TMEM38A: variants seen among roughly 807,000 people sequenced by gnomAD.
TMEM38A encodes the protein transmembrane protein 38A.
In TMEM38A, 17 loss-of-function variants were observed where a neutral mutation model predicts 28.6. That is an observed-to-expected ratio of 0.60 (90% CI 0.41 to 0.89). TMEM38A has a LOEUF of 0.89. Among genes scored for constraint, TMEM38A ranks in the 40% least tolerant of loss-of-function variants. TMEM38A has a pLI of 0.00. For synonymous variants in TMEM38A, 169 were observed against 166.1 expected (o/e 1.02, Z -0.14); for missense variants, 328 against 393.1 (o/e 0.83, Z 1.40).
intron 4 of TMEM38A, among the ~76,000 whole-genome samples, chr19:16,684,436 C>T (rs2086793510): frequency 6.6e-6 from 1 of 150,472 alleles, no homozygotes; most frequent in African/African-American, 2.5e-5. Context: ...GCTGTGATCA[C>T]ACAAGTGTAC....
chr19:16,676,942 G>A lies in TMEM38A; in HGVS notation c.125-3042G>A, dbSNP rs531755846. ...CGCCTGGCTAATTTTTGTATTTTTAGTAGAGATGAGGTTTCACCATGTTGG... is the reference window on the plus strand; with the variant it reads ...CGCCTGGCTAATTTTTGTATTTTTAATAGAGATGAGGTTTCACCATGTTGG... On this transcript the variant is annotated intron_variant, in intron 1 of 5. Transcript: ENST00000187762. Among the ~76,000 whole-genome samples, 5 of 151,588 alleles carry A rather than the reference G, an allele frequency of 3.3e-5. 1 individual carries two copies. The South Asian group carries it at 1.0e-3, about 32-fold the overall frequency.
chr19:16,671,551 G>A (rs1244087008), intron 1 of TMEM38A, among the ~76,000 whole-genome samples: 1 of 151,676 alleles, frequency 6.6e-6, no homozygotes, highest in Non-Finnish European at 1.5e-5. Flanking sequence ...AAGGCTTGGG[G>A]GGGCAGGCAG....
chr19:16,671,223 T>TTTTTTTTTTTTTTTTG (rs2086726256), intron 1 of TMEM38A, among the ~76,000 whole-genome samples: 1 of 122,628 alleles, frequency 8.2e-6, no homozygotes, highest in East Asian at 2.2e-4. Context: ...TTTTTTTTTT[T>TTTTTTTTTTTTTTTTG]GAGGCGGAGT....
At position 16,661,269 on chromosome 19, in the gene TMEM38A, C is replaced by G. The variant is rs766919239; in HGVS notation, c.52C>G (p.Arg18Gly). ...SLGELALSFS[R>G]VPLFPVFDLS... The stretch of plus-strand genomic sequence containing the variant: ...GGGCGAACTGGCGCTCAGCTTCTCG[C>G]GGGTGCCGCTCTTCCCCGTCTTCGA... Residue 18 changes from arginine to glycine, a missense_variant, in exon 1 of 6, where the codon CGG (arginine) becomes GGG (glycine). Arg to Gly is a moderately radical substitution (Grantham distance 125). Coordinates refer to ENST00000187762, the MANE Select transcript of TMEM38A (RefSeq NM_024074.4). The surrounding 1 kb of genome is among the most constrained non-coding windows in gnomAD (Gnocchi z 6.5). 2 of 1,597,696 alleles carry G rather than the reference C, an allele frequency of 1.3e-6. No individual in the cohort carries two copies. The highest frequency in any genetic ancestry group is 8.5e-7 in the Non-Finnish European group (1 of 1,172,854).
intron 1 of TMEM38A, among the ~76,000 whole-genome samples, chr19:16,669,453 C>T (rs189857068): frequency 6.6e-5 from 10 of 152,104 alleles, no homozygotes; most frequent in South Asian, 2.1e-4. Flanking sequence ...GTGATCCACC[C>T]GCCTCAGCCT....
chr19:16,676,376 T>G (rs2086751627), intron 1 of TMEM38A, among the ~76,000 whole-genome samples: 6 of 152,138 alleles, frequency 3.9e-5, no homozygotes, highest in Admixed American at 3.9e-4. Flanking sequence ...AGAGAGAGAT[T>G]ACATTTTGTG....
At chr19:16,672,774 A>G (rs1244955480) in intron 1 of TMEM38A, among the ~76,000 whole-genome samples, 1 of 151,942 alleles carries the variant, frequency 6.6e-6, no homozygotes, top group Non-Finnish European at 1.5e-5. Context: ...TTGCAGCCCA[A>G]CCTTTTCACT....
rs1375919348 is a variant in TMEM38A at position 16,680,646 on chromosome 19, A to C, written c.466+65A>C. 5 of 1,541,112 alleles carry C rather than the reference A, an allele frequency of 3.2e-6. No individual in the cohort carries two copies. In the African/African-American group the frequency reaches 5.4e-5, roughly 17 times the overall value. ...GAACTTTTGGTTCAGTGGTACTACCAGGCACCCCAGCTAGGAAAGCCATTG... is the reference window on the plus strand; with the variant it reads ...GAACTTTTGGTTCAGTGGTACTACCCGGCACCCCAGCTAGGAAAGCCATTG... On this transcript the variant is annotated intron_variant, in intron 3 of 5. Coordinates refer to ENST00000187762, the MANE Select transcript of TMEM38A (RefSeq NM_024074.4).
rs546234864 is a variant in TMEM38A, at chr19:16,675,810, G to C, written c.125-4174G>C. On this transcript the variant is annotated intron_variant, in intron 1 of 5. Transcript: ENST00000187762. ...CATCTGCCCGCCTCAGCCTCCCAAA[G>C]TGCTGGGATGACAGGCGTGAGCCAC... 2.2e-3 allele frequency among the ~76,000 whole-genome samples: 340 copies of C among 152,152 alleles called. 1 individual carries two copies. The highest frequency in any genetic ancestry group is 4.0e-3 in the Non-Finnish European group (269 of 68,010).
At chr19:16,680,731 C>A in intron 3 of TMEM38A, 150 bp downstream of exon 3, 1 of 674,498 alleles carries the variant, frequency 1.5e-6, no homozygotes, top group Non-Finnish European at 2.5e-6. Flanking sequence ...CAGGTATCAG[C>A]CGATACCTTT....
chr19:16,682,182 G>A (rs1011648860), intron 3 of TMEM38A, among the ~76,000 whole-genome samples: 16 of 151,988 alleles, frequency 1.1e-4, no homozygotes, highest in Non-Finnish European at 1.0e-4. Flanking sequence ...CTTGCAGGTG[G>A]GGACATGACT....
chr19:16,664,996 A>G (rs2086697014), intron 1 of TMEM38A, among the ~76,000 whole-genome samples: 2 of 152,138 alleles, frequency 1.3e-5, no homozygotes, highest in Non-Finnish European at 2.9e-5. Flanking sequence ...CCCCTTCTCT[A>G]TAAAAAATAC....
intron 1 of TMEM38A, among the ~76,000 whole-genome samples, chr19:16,672,140 A>T (rs372743190): frequency 6.6e-6 from 1 of 152,110 alleles, no homozygotes; most frequent in East Asian, 1.9e-4. Flanking sequence ...CTCCAGGGTG[A>T]GGTTAGAGGA....
chr19:16,672,272 G>C (rs1364622761), intron 1 of TMEM38A, among the ~76,000 whole-genome samples: 1 of 152,132 alleles, frequency 6.6e-6, no homozygotes, highest in African/African-American at 2.4e-5. Context: ...TTGTTAGTTG[G>C]TGGGGATAGC....
intron 1 of TMEM38A, among the ~76,000 whole-genome samples, chr19:16,668,013 A>C (rs1474136711): frequency 6.6e-6 from 1 of 152,112 alleles, no homozygotes; most frequent in South Asian, 2.1e-4. Flanking sequence ...GTTTGAGACC[A>C]GCCTGACCAA....
At chr19:16,671,607 T>G (rs1384263732) in intron 1 of TMEM38A, among the ~76,000 whole-genome samples, 2 of 151,980 alleles carry the variant, frequency 1.3e-5, no homozygotes, top group African/African-American at 4.8e-5. Context: ...AGCCAGAAGC[T>G]AGGCATGTGA....
chr19:16,685,555 T>C (rs2086798336), intron 4 of TMEM38A, among the ~76,000 whole-genome samples: 1 of 152,178 alleles, frequency 6.6e-6, no homozygotes, highest in Admixed American at 6.5e-5. Flanking sequence ...CCAGGGAAGC[T>C]CTTCTGAGCC....
At chr19:16,674,756 G>A (rs957349432) in intron 1 of TMEM38A, among the ~76,000 whole-genome samples, 14 of 151,900 alleles carry the variant, frequency 9.2e-5, no homozygotes, top group East Asian at 3.9e-4. Context: ...CCAAGATCGC[G>A]CCATTGAACT....
In TMEM38A at chr19:16,668,666, T is replaced by C. The variant is rs143131376; in HGVS notation, c.124+7325T>C. On this transcript the variant is annotated intron_variant, in intron 1 of 5. Coordinates refer to ENST00000187762, the MANE Select transcript of TMEM38A (RefSeq NM_024074.4). ...ACCACTGATCTTTCTTTCTACTACC[T>C]CCAGAGTTTTGCCTTTTCCAGAATG... is the stretch of plus-strand genomic sequence containing the variant. Among the ~76,000 whole-genome samples, 478 of 151,930 alleles carry C rather than the reference T, an allele frequency of 3.1e-3. 6 individuals are homozygous for C. Among genetic ancestry groups the C allele is most frequent in the African/African-American group, 0.011 (457 of 41,430 alleles).
Sources: allele counts gnomAD v4.1 joint callset (sites outside exome capture counted in the v4.1 genomes callset), GRCh38; gene constraint gnomAD v4.1.1; non-coding constraint Gnocchi (gnomAD v3.1); transcripts MANE v1.5; gene names NCBI Gene and HGNC (gene_info 2026-07-23, HGNC 2026-07-21).